Variants in KDM4C observed in about 807,000 individuals in gnomAD.
The protein encoded by KDM4C is lysine demethylase 4C, also known as lysine-specific demethylase 4C.
A neutral mutation model predicts 129.3 loss-of-function variants in KDM4C; 81 were observed. That is an observed-to-expected ratio of 0.63 (90% confidence interval 0.52 to 0.75). The LOEUF is 0.75. Among genes scored for constraint, KDM4C ranks in the 30% least tolerant of loss-of-function variants. KDM4C has a pLI of 0.00. For missense variants in KDM4C, 1,457 were observed against 1,304.0 expected, an observed-to-expected ratio of 1.12 and a Z score of -1.81; for synonymous variants, 573 against 456.1, an observed-to-expected ratio of 1.26 and a Z score of -3.26.
intron 6 of KDM4C, among the ~76,000 whole-genome samples, chr9:6,884,863 C>A (rs1031986278): frequency 1.3e-5 from 2 of 152,142 alleles, no homozygotes; most frequent in Admixed American, 6.5e-5. Context: ...TTAGCAATAG[C>A]TAATATATTA....
chr9:6,998,926 C>T (rs546787702), intron 12 of KDM4C, among the ~76,000 whole-genome samples: 3 of 152,300 alleles, frequency 2.0e-5, no homozygotes, highest in Non-Finnish European at 2.9e-5. Context: ...GCACTTCATT[C>T]TAGGTTGTTT....
intron 5 of KDM4C, among the ~76,000 whole-genome samples, chr9:6,861,663 C>T (rs1840944311): frequency 6.6e-6 from 1 of 152,146 alleles, no homozygotes; most frequent in Non-Finnish European, 1.5e-5. Flanking sequence ...TCTCTTCCTC[C>T]CAGTGACTTA....
intron 5 of KDM4C, among the ~76,000 whole-genome samples, chr9:6,866,114 A>T (rs1841925795): frequency 6.7e-6 from 1 of 149,340 alleles, no homozygotes; most frequent in Admixed American, 6.7e-5. Flanking sequence ...CGGACTCCTG[A>T]CCTCAGGTGA....
intron 8 of KDM4C, among the ~76,000 whole-genome samples, chr9:6,893,984 A>G (rs1394283120): frequency 6.6e-6 from 1 of 152,210 alleles, no homozygotes; most frequent in Admixed American, 6.5e-5. Flanking sequence ...GCTTCTAAAT[A>G]AAACTGTGTG....
At chr9:6,740,667 C>T (rs574701423) in intron 1 of KDM4C, among the ~76,000 whole-genome samples, 59 of 151,912 alleles carry the variant, frequency 3.9e-4, no homozygotes, top group African/African-American at 1.4e-3. Flanking sequence ...TACAGGCGCG[C>T]GCCACCACAT....
At chr9:6,977,322 T>G (rs1245398218) in intron 8 of KDM4C, among the ~76,000 whole-genome samples, 1 of 152,222 alleles carries the variant, frequency 6.6e-6, no homozygotes, top group Non-Finnish European at 1.5e-5. Context: ...TTAAATATTA[T>G]CCTCTTTAGG....
At chr9:7,134,876 A>G (rs1230898907) in intron 19 of KDM4C, among the ~76,000 whole-genome samples, 1 of 152,220 alleles carries the variant, frequency 6.6e-6, no homozygotes, top group African/African-American at 2.4e-5. Flanking sequence ...CATTTGATTC[A>G]TCAACTCTGT....
intron 8 of KDM4C, among the ~76,000 whole-genome samples, chr9:6,926,637 T>A (rs943327021): frequency 6.6e-6 from 1 of 152,218 alleles, no homozygotes; most frequent in Non-Finnish European, 1.5e-5. Flanking sequence ...GGCCGGGTGC[T>A]AAGAACACAT....
intron 15 of KDM4C, among the ~76,000 whole-genome samples, chr9:7,027,853 C>T (rs1387852737): frequency 6.6e-6 from 1 of 152,210 alleles, no homozygotes; most frequent in Non-Finnish European, 1.5e-5. Flanking sequence ...GGCAGAGGAG[C>T]CTCAGCCCAT....
chr9:6,769,834 G>T (rs1821382546), intron 1 of KDM4C, among the ~76,000 whole-genome samples: 1 of 152,168 alleles, frequency 6.6e-6, no homozygotes, highest in Non-Finnish European at 1.5e-5. Flanking sequence ...ATGTAGTCTA[G>T]ATAGAATTTA....
chr9:6,910,585 A>G (rs1013342501), intron 8 of KDM4C, among the ~76,000 whole-genome samples: 1 of 152,218 alleles, frequency 6.6e-6, no homozygotes, highest in Non-Finnish European at 1.5e-5. Flanking sequence ...CTCACCTCTC[A>G]GATTGGTGCA....
chr9:7,120,087 A>G (rs1156766561), intron 18 of KDM4C, among the ~76,000 whole-genome samples: 1 of 152,006 alleles, frequency 6.6e-6, no homozygotes. Context: ...CGTGGCATTG[A>G]TTGACAGGTT....
intron 17 of KDM4C, among the ~76,000 whole-genome samples, chr9:7,087,047 A>T (rs987214077): frequency 5.9e-5 from 9 of 151,324 alleles, no homozygotes; most frequent in African/African-American, 2.2e-4. Context: ...GAATGAATCA[A>T]GTAGGTGGAC....
At chr9:6,861,301 A>G (rs897384257) in intron 5 of KDM4C, among the ~76,000 whole-genome samples, 2 of 152,146 alleles carry the variant, frequency 1.3e-5, no homozygotes, top group Admixed American at 6.6e-5. Context: ...CATGTATCCT[A>G]TTTTTGTGTG....
chr9:6,784,338 C>T (rs1198586665), intron 1 of KDM4C, among the ~76,000 whole-genome samples: 1 of 152,142 alleles, frequency 6.6e-6, no homozygotes, highest in East Asian at 1.9e-4. Flanking sequence ...TCTGTTATGT[C>T]CTGCCTCAGC....
chr9:6,811,274 C>T (rs535644830), intron 3 of KDM4C, among the ~76,000 whole-genome samples: 29 of 152,274 alleles, frequency 1.9e-4, no homozygotes, highest in African/African-American at 6.7e-4. Flanking sequence ...CTGCCTCAGC[C>T]TCCCGAGCAG....
intron 8 of KDM4C, 165 bp downstream of exon 8, chr9:6,893,397 C>T: frequency 2.3e-6 from 1 of 438,666 alleles, no homozygotes; most frequent in East Asian, 3.6e-5. Context: ...TTTACATAGC[C>T]AATATTACCA....
chr9:7,140,444 G>A (rs1841631220), intron 19 of KDM4C, among the ~76,000 whole-genome samples: 1 of 152,164 alleles, frequency 6.6e-6, no homozygotes, highest in Non-Finnish European at 1.5e-5. Flanking sequence ...AATCTAATGA[G>A]GATGAGGAAA....
At chr9:6,835,333 G>T (rs1182179457) in intron 4 of KDM4C, 2 of 973,516 alleles carry the variant, frequency 2.1e-6, no homozygotes, top group Admixed American at 1.7e-5. Flanking sequence ...AGACCTTTAC[G>T]CCAACACATT....
Sources: gnomAD v4.1 joint callset for allele counts (sites outside exome capture counted in the v4.1 genomes callset) on GRCh38, gnomAD v4.1.1 for gene constraint, MANE v1.5 for transcripts, NCBI Gene and HGNC (gene_info 2026-07-23, HGNC 2026-07-21) for gene names.